DLG2: variants seen among roughly 807,000 people sequenced by gnomAD.
DLG2 encodes the protein disks large homolog 2.
DLG2 carries 45 observed loss-of-function variants against 132.5 expected under a neutral mutation model. That is an observed-to-expected ratio of 0.34 (90% confidence interval 0.27 to 0.44). DLG2 has a LOEUF of 0.44. Ranked by LOEUF, DLG2 falls within the 20% of genes least tolerant of loss-of-function variation. The pLI, the probability that DLG2 is intolerant of heterozygous loss-of-function variation, is 1.00. For missense variants in DLG2, 1,045 were observed against 1,196.9 expected, an observed-to-expected ratio of 0.87 and a Z score of 1.87; for synonymous variants, 424 against 419.6, an observed-to-expected ratio of 1.01 and a Z score of -0.13.
chr11:84,013,252 A>G (rs1304133417), intron 11 of DLG2, among the ~76,000 whole-genome samples: 1 of 152,130 alleles, frequency 6.6e-6, no homozygotes, highest in African/African-American at 2.4e-5. Flanking sequence ...TCTTTGCTCT[A>G]AGTGAAGCAG....
At chr11:84,526,164 A>G (rs2099319970) in intron 7 of DLG2, among the ~76,000 whole-genome samples, 1 of 152,202 alleles carries the variant, frequency 6.6e-6, no homozygotes, top group Admixed American at 6.5e-5. Flanking sequence ...TGTACTAATC[A>G]TATTTCCATC....
At chr11:84,682,699 ACT>A (rs2099734566) in intron 6 of DLG2, among the ~76,000 whole-genome samples, 2 of 152,226 alleles carry the variant, frequency 1.3e-5, no homozygotes, top group East Asian at 1.9e-4. Flanking sequence ...GGCCCCAAAG[ACT>A]CAGCCCCAGC....
At chr11:85,444,380 T>C (rs1199068146) in intron 3 of DLG2, among the ~76,000 whole-genome samples, 1 of 152,168 alleles carries the variant, frequency 6.6e-6, no homozygotes, top group Non-Finnish European at 1.5e-5. Context: ...AATTGCTCTA[T>C]GGCTAACAGG....
intron 7 of DLG2, among the ~76,000 whole-genome samples, chr11:84,354,744 T>C (rs943182567): frequency 2.1e-4 from 32 of 152,112 alleles, no homozygotes; most frequent in South Asian, 8.3e-4. Flanking sequence ...AAGCTGGTTA[T>C]TGTACAGTTA....
intron 18 of DLG2, among the ~76,000 whole-genome samples, chr11:83,777,080 GCAGCATGT>G (rs548606489): frequency 2.4e-4 from 37 of 152,294 alleles, no homozygotes; most frequent in Non-Finnish European, 4.1e-4. Flanking sequence ...AGAGTGCAAG[GCAGCATGT>G]CACTCACTGG....
intron 7 of DLG2, among the ~76,000 whole-genome samples, chr11:84,328,447 T>C (rs1599955747): frequency 6.6e-6 from 1 of 152,146 alleles, no homozygotes; most frequent in Non-Finnish European, 1.5e-5. Flanking sequence ...TAAATGGACA[T>C]TTCTTTTACT....
At chr11:84,938,543 C>T (rs11824904) in intron 6 of DLG2, among the ~76,000 whole-genome samples, 6,323 of 152,162 alleles carry the variant, frequency 0.042, 193 homozygotes, top group African/African-American at 0.078. Context: ...CCAACAGATC[C>T]CTATGGGAAA....
chr11:85,262,339 T>C (rs946877212), intron 4 of DLG2, among the ~76,000 whole-genome samples: 11 of 152,182 alleles, frequency 7.2e-5, no homozygotes, highest in Non-Finnish European at 1.6e-4. Context: ...GGCTGGAATG[T>C]AACAAAAGCC....
At chr11:84,383,924 T>C (rs1299323782) in intron 7 of DLG2, among the ~76,000 whole-genome samples, 1 of 151,912 alleles carries the variant, frequency 6.6e-6, no homozygotes, top group Admixed American at 6.6e-5. Flanking sequence ...AATGAATGCA[T>C]TAACAGCCCA....
chr11:85,565,456 T>C (rs559288077), intron 3 of DLG2, among the ~76,000 whole-genome samples: 2 of 152,202 alleles, frequency 1.3e-5, no homozygotes, highest in South Asian at 4.1e-4. Flanking sequence ...CACTATATAA[T>C]TCCAAATTTC....
At chr11:84,057,540 T>C (rs1332706445) in intron 11 of DLG2, among the ~76,000 whole-genome samples, 1 of 152,212 alleles carries the variant, frequency 6.6e-6, no homozygotes, top group East Asian at 1.9e-4. Context: ...TTCACTTTTT[T>C]TTCTTTTTAC....
At chr11:83,896,350 G>A (rs2071674880) in intron 15 of DLG2, among the ~76,000 whole-genome samples, 1 of 152,222 alleles carries the variant, frequency 6.6e-6, no homozygotes, top group South Asian at 2.1e-4. Flanking sequence ...AGGGTTTACT[G>A]CTGTCCGTAG....
intron 6 of DLG2, among the ~76,000 whole-genome samples, chr11:85,062,714 T>C (rs536033845): frequency 6.6e-6 from 1 of 151,850 alleles, no homozygotes; most frequent in Non-Finnish European, 1.5e-5. Flanking sequence ...TATATGTCAC[T>C]AAACTTCAGT....
intron 5 of DLG2, among the ~76,000 whole-genome samples, chr11:85,147,185 C>T (rs1198008550): frequency 6.6e-6 from 1 of 152,170 alleles, no homozygotes; most frequent in East Asian, 1.9e-4. Flanking sequence ...TGTGATCACT[C>T]ACCTAACCTT....
intron 8 of DLG2, among the ~76,000 whole-genome samples, chr11:84,224,901 G>A (rs2096968312): frequency 6.6e-6 from 1 of 152,244 alleles, no homozygotes; most frequent in African/African-American, 2.4e-5. Flanking sequence ...CCCATGGATT[G>A]TTCTTCCCCC....
chr11:84,573,328 T>C lies in DLG2; in HGVS notation c.358-38597A>G, dbSNP rs536019663. The stretch of plus-strand genomic sequence containing the variant: ...TTTCCATTTATAACACTTACAAAAT[T>C]AAACTAAAAAGTGAATTAATCTAAA... On this transcript the variant is annotated intron_variant, in intron 6 of 27. Coordinates refer to ENST00000376104, the MANE Select transcript of DLG2 (RefSeq NM_001142699.3). 2.0e-5 allele frequency among the ~76,000 whole-genome samples: 3 copies of C among 152,308 alleles called. No homozygotes were observed. In the South Asian group the frequency reaches 6.2e-4, roughly 32 times the overall value.
At chr11:84,258,251 G>A (rs749626282) in intron 7 of DLG2, among the ~76,000 whole-genome samples, 10 of 152,188 alleles carry the variant, frequency 6.6e-5, no homozygotes, top group South Asian at 2.1e-4. Context: ...AAGACACATC[G>A]ATGGTTGTGT....
intron 3 of DLG2, among the ~76,000 whole-genome samples, chr11:85,534,898 C>A (rs2075470518): frequency 6.6e-6 from 1 of 152,174 alleles, no homozygotes; most frequent in Non-Finnish European, 1.5e-5. Context: ...ATTTTCAGTT[C>A]TTTCAGAAAT....
intron 6 of DLG2, among the ~76,000 whole-genome samples, chr11:84,562,936 G>C (rs1195392902): frequency 6.6e-6 from 1 of 151,924 alleles, no homozygotes; most frequent in African/African-American, 2.4e-5. Context: ...ATTTTTCATA[G>C]ACATGGGGTC....
Sources: gnomAD v4.1 joint callset for allele counts (sites outside exome capture counted in the v4.1 genomes callset) on GRCh38, gnomAD v4.1.1 for gene constraint, MANE v1.5 for transcripts, NCBI Gene and HGNC (gene_info 2026-07-23, HGNC 2026-07-21) for gene names.